The following ZSWIM5 variants were observed in gnomAD, a reference collection of about 807,000 sequenced individuals.
ZSWIM5 encodes zinc finger SWIM-type containing 5.
ZSWIM5 carries 55 observed loss-of-function variants against 119.6 expected under a neutral mutation model. That is an observed-to-expected ratio of 0.46 (90% CI 0.37 to 0.58). The LOEUF is 0.58. ZSWIM5 is among the 20% of genes least tolerant of loss of function. The pLI is 0.00. For missense variants in ZSWIM5, 1,193 were observed against 1,512.8 expected (o/e 0.79, Z 3.51); for synonymous variants, 537 against 606.9 (o/e 0.88, Z 1.69).
At chr1:45,079,339 A>G (rs1038116851) in intron 2 of ZSWIM5, among the ~76,000 whole-genome samples, 3 of 152,170 alleles carry the variant, frequency 2.0e-5, no homozygotes, top group African/African-American at 4.8e-5. Context: ...GTCTCTTCAC[A>G]TGGACGCGCA....
intron 1 of ZSWIM5, among the ~76,000 whole-genome samples, chr1:45,119,906 T>C (rs968614458): frequency 6.6e-6 from 1 of 152,228 alleles, no homozygotes; most frequent in African/African-American, 2.4e-5. Context: ...AAATTATCTT[T>C]ATCACATCCA....
At chr1:45,127,770 A>C (rs1005069119) in intron 1 of ZSWIM5, among the ~76,000 whole-genome samples, 4 of 152,162 alleles carry the variant, frequency 2.6e-5, no homozygotes. Flanking sequence ...CAGTGAGTTC[A>C]GTCAGGTCAC....
chr1:45,045,639 T>A, intron 5 of ZSWIM5, among the ~76,000 whole-genome samples: 1 of 152,174 alleles, frequency 6.6e-6, no homozygotes. Flanking sequence ...CCTCTACTGC[T>A]GAACTGAGAA....
At chr1:45,134,265 G>C (rs573894772) in intron 1 of ZSWIM5, among the ~76,000 whole-genome samples, 5 of 152,000 alleles carry the variant, frequency 3.3e-5, no homozygotes, top group African/African-American at 9.6e-5. Context: ...TTGCCTAGAA[G>C]CAAAACTAGT....
In ZSWIM5 at chr1:45,087,939, A is replaced by G; in HGVS notation, c.894T>C (p.Thr298=). 1 of 1,614,118 alleles carries G rather than the reference A, an allele frequency of 6.2e-7. No individual in the cohort carries two copies. Among genetic ancestry groups the G allele is most frequent in the Non-Finnish European group, 8.5e-7 (1 of 1,180,000 alleles). The change falls in exon 2 of 14, where the codon ACT becomes ACC. Residue 298 remains threonine, a synonymous_variant. Coordinates refer to ENST00000359600, the MANE Select transcript of ZSWIM5 (RefSeq NM_020883.2). ...GAATCTCATCTGCCAGTTTCTGTGC[A>G]GTAGGAAGAACTTCAGTGTGGTGTG... ...ITAHHTEVLP[T]AQKLADEILS... is the part of the protein sequence containing the mutation.
chr1:45,129,004 G>A (rs1233691822), intron 1 of ZSWIM5, among the ~76,000 whole-genome samples: 1 of 151,950 alleles, frequency 6.6e-6, no homozygotes, highest in Non-Finnish European at 1.5e-5. Flanking sequence ...TCATTGTCTG[G>A]AAATACCACA....
intron 1 of ZSWIM5, among the ~76,000 whole-genome samples, chr1:45,158,839 C>T (rs1369752208): frequency 2.0e-5 from 3 of 152,084 alleles, no homozygotes; most frequent in African/African-American, 7.2e-5. Flanking sequence ...AGAATTAGGG[C>T]TCCTGGGAAG....
intron 1 of ZSWIM5, among the ~76,000 whole-genome samples, chr1:45,104,825 C>G (rs111334683): frequency 6.6e-6 from 1 of 152,304 alleles, no homozygotes; most frequent in Non-Finnish European, 1.5e-5. Flanking sequence ...CATTGGCCCC[C>G]CTCAGCACCA....
intron 1 of ZSWIM5, among the ~76,000 whole-genome samples, chr1:45,141,902 G>A (rs988401424): frequency 6.6e-6 from 1 of 152,080 alleles, no homozygotes; most frequent in Non-Finnish European, 1.5e-5. Flanking sequence ...CTTTTATTAT[G>A]ACATAATATT....
chr1:45,035,713 A>G lies in ZSWIM5; in HGVS notation c.2266T>C (p.Tyr756His). Residue 756 changes from tyrosine (Y) to histidine (H), a missense_variant, in exon 10 of 14, where the codon TAT (tyrosine) becomes CAT (histidine). By Grantham distance (83) the Tyr-to-His change is moderately conservative (BLOSUM62 2). This residue lies in a region of ZSWIM5 where 961 missense variants were observed against 1,290.0 expected (regional missense o/e 0.74). Transcript: ENST00000359600. ...ALLPHDPDLS[Y>H]KLALRAMRLP... is the part of the protein sequence containing the mutation. ...CTCATGGCACGTAAGGCTAATTTAT[A>G]GGACAGGTCTGGATCATGAGGCAGC... The G allele has an allele frequency of 6.2e-7, 1 of 1,613,946 alleles. No individual in the cohort carries two copies. The highest frequency in any genetic ancestry group is 8.5e-7 in the Non-Finnish European group (1 of 1,180,010).
At chr1:45,166,292 A>G (rs536248620) in intron 1 of ZSWIM5, among the ~76,000 whole-genome samples, 16 of 152,260 alleles carry the variant, frequency 1.1e-4, no homozygotes, top group Middle Eastern at 3.4e-3. Flanking sequence ...AACTCTCAAT[A>G]AACTAGGTAT....
At chr1:45,024,213 G>A (rs1226915035) in intron 11 of ZSWIM5, among the ~76,000 whole-genome samples, 14 of 130,964 alleles carry the variant, frequency 1.1e-4, no homozygotes, top group African/African-American at 1.7e-4. Flanking sequence ...TTTTTGAGAC[G>A]GAGTCTCGGT....
intron 8 of ZSWIM5, among the ~76,000 whole-genome samples, chr1:45,038,602 G>GTTTTTTTTTT (rs1644999570): frequency 5.4e-4 from 2 of 3,716 alleles, no homozygotes; most frequent in Non-Finnish European, 8.0e-4. Context: ...GACGAGGGCA[G>GTTTTTTTTTT]TCTTTTTTTT....
At chr1:45,109,534 A>C (rs990832341) in intron 1 of ZSWIM5, among the ~76,000 whole-genome samples, 1 of 152,128 alleles carries the variant, frequency 6.6e-6, no homozygotes, top group Non-Finnish European at 1.5e-5. Flanking sequence ...TCACGAGGTC[A>C]GGAGTTCAAG....
chr1:45,046,541 C>A (rs1645055382), intron 5 of ZSWIM5, among the ~76,000 whole-genome samples: 1 of 151,666 alleles, frequency 6.6e-6, no homozygotes, highest in Non-Finnish European at 1.5e-5. Context: ...GGGTAGGAAT[C>A]CTACTGAGAT....
At chr1:45,186,340 A>G (rs1646058481) in intron 1 of ZSWIM5, among the ~76,000 whole-genome samples, 1 of 151,294 alleles carries the variant, frequency 6.6e-6, no homozygotes, top group African/African-American at 2.4e-5. Context: ...AGCATGGCAC[A>G]TGTATACATA....
At position 45,038,604 on chromosome 1, in the gene ZSWIM5, C is replaced by CTT. The variant is rs55717021; in HGVS notation, c.1894+330_1894+331dup. 9.3e-4 allele frequency among the ~76,000 whole-genome samples: 45 copies of CTT among 48,506 alleles called. 1 individual carries two copies. The East Asian group carries it at 0.013, about 14-fold the overall frequency. 31.8% of individuals were successfully genotyped at this position (48,506 alleles called of 152,430 possible). A position where few individuals can be genotyped will look rare whatever the true frequency, so the allele number is the denominator to read the frequency against. ...GGAGAAAAGGGCTGACGAGGGCAGT[C>CTT]TTTTTTTTTTTTTTTTTAATGAAAC... On this transcript the variant is annotated intron_variant, in intron 8 of 13. Transcript: ENST00000359600.
chr1:45,026,549 G>A (rs571835687), intron 11 of ZSWIM5, among the ~76,000 whole-genome samples: 27 of 152,116 alleles, frequency 1.8e-4, no homozygotes, highest in African/African-American at 6.0e-4. Flanking sequence ...TTCAAGTGTT[G>A]AGACAACTTA....
At chr1:45,150,373 A>G (rs971415482) in intron 1 of ZSWIM5, among the ~76,000 whole-genome samples, 2 of 152,018 alleles carry the variant, frequency 1.3e-5, no homozygotes, top group African/African-American at 2.4e-5. Flanking sequence ...AGAAACAGGA[A>G]CCCTTGTAAC....
Sources: gnomAD v4.1 joint callset for allele counts (sites outside exome capture counted in the v4.1 genomes callset) on GRCh38, gnomAD v4.1.1 for gene constraint, gnomAD v4.1.1 regional missense constraint, MANE v1.5 for transcripts, NCBI Gene and HGNC (gene_info 2026-07-23, HGNC 2026-07-21) for gene names.